NUP205: variants seen among roughly 807,000 people sequenced by gnomAD.
NUP205 encodes the protein nucleoporin 205.
A neutral mutation model predicts 253.8 loss-of-function variants in NUP205; 76 were observed. The observed-to-expected ratio is 0.30, with a 90% CI of 0.25 to 0.36. NUP205 has a LOEUF of 0.36. Among genes scored for constraint, NUP205 ranks in the 10% least tolerant of loss-of-function variants. NUP205 has a pLI of 1.00. For missense variants in NUP205, 2,162 were observed against 2,425.5 expected (o/e 0.89, Z 2.28); for synonymous variants, 832 against 850.1 (o/e 0.98, Z 0.37).
chr7:135,611,965 A>G (rs925135240), intron 22 of NUP205, among the ~76,000 whole-genome samples: 2 of 152,092 alleles, frequency 1.3e-5, no homozygotes, highest in African/African-American at 4.8e-5. Context: ...ATACAAAAAC[A>G]AAATATTAGC....
chr7:135,586,715 T>C (rs745630192), intron 8 of NUP205, among the ~76,000 whole-genome samples: 8 of 152,204 alleles, frequency 5.3e-5, no homozygotes, highest in Non-Finnish European at 1.0e-4. Flanking sequence ...AATTTCCAGG[T>C]AGTTCACAGA....
Position 135,601,384 on chromosome 7 carries a change from G to T in NUP205, c.2389G>T (p.Ala797Ser). Reference sequence around the variant, plus strand: ...GTTCTATTTAGGAGAAGAAATCATAGCCTATAAGCCACCTGGATTTAGTCT... The same window carrying T: ...GTTCTATTTAGGAGAAGAAATCATATCCTATAAGCCACCTGGATTTAGTCT... ...FVELQGEEII[A>S]YKPPGFSLMY... The change falls in exon 17 of 43, where the codon GCC (alanine) becomes TCC (serine). Residue 797 changes from alanine to serine, a missense_variant. Transcript: ENST00000285968. The T allele has an allele frequency of 6.2e-7, 1 of 1,612,906 alleles. No individual in the cohort carries two copies.
chr7:135,566,229 C>T (rs1286713821), intron 1 of NUP205, among the ~76,000 whole-genome samples: 5 of 152,070 alleles, frequency 3.3e-5, no homozygotes, highest in Non-Finnish European at 7.4e-5. Flanking sequence ...GTGCCTCAAC[C>T]CTCCTTGTAG....
At chr7:135,644,718 T>G (rs1236688930) in intron 39 of NUP205, among the ~76,000 whole-genome samples, 177 bp from the exon 40 acceptor site, 1 of 152,216 alleles carries the variant, frequency 6.6e-6, no homozygotes, top group Non-Finnish European at 1.5e-5. Flanking sequence ...TGAATTTGCT[T>G]CTTTGGCTGT....
chr7:135,616,624 T>C, intron 24 of NUP205, 31 bp from the exon 25 acceptor site: 3 of 1,327,138 alleles, frequency 2.3e-6, no homozygotes, highest in Non-Finnish European at 3.1e-6. Flanking sequence ...GTTCTTCTTT[T>C]TCTGATTCAA....
At chr7:135,581,399 C>A (rs1376649242) in intron 7 of NUP205, among the ~76,000 whole-genome samples, 1 of 151,798 alleles carries the variant, frequency 6.6e-6, no homozygotes, top group Non-Finnish European at 1.5e-5. Context: ...AAAAATTAGC[C>A]CAGTGTGGTG....
chr7:135,622,692 G>T, intron 30 of NUP205, 85 bp from the exon 31 acceptor site: 7 of 1,184,448 alleles, frequency 5.9e-6, no homozygotes, highest in Non-Finnish European at 7.1e-6. Flanking sequence ...TTCTTCCTTA[G>T]CTCATACCTA....
At chr7:135,638,813 G>C in intron 38 of NUP205, 130 bp downstream of exon 38, 1 of 945,756 alleles carries the variant, frequency 1.1e-6, no homozygotes, top group Admixed American at 2.1e-5. Flanking sequence ...TTTTAAATAA[G>C]TTTTAAAGTT....
intron 17 of NUP205, among the ~76,000 whole-genome samples, chr7:135,602,487 C>T (rs914856327): frequency 6.6e-6 from 1 of 152,132 alleles, no homozygotes; most frequent in Non-Finnish European, 1.5e-5. Context: ...TGGGGCTCAG[C>T]CACCCCATTC....
intron 17 of NUP205, 62 bp downstream of exon 17, chr7:135,601,569 T>G: frequency 6.5e-7 from 1 of 1,528,496 alleles, no homozygotes; most frequent in Non-Finnish European, 8.9e-7. Flanking sequence ...TTTTGTAAAC[T>G]GAGAATTTGA....
intron 18 of NUP205, among the ~76,000 whole-genome samples, chr7:135,604,070 C>A (rs931927230): frequency 2.6e-5 from 4 of 152,142 alleles, no homozygotes; most frequent in Admixed American, 2.6e-4. Flanking sequence ...TCCTTAATGA[C>A]CTCGTCTGAA....
chr7:135,578,662 G>T, intron 6 of NUP205, 89 bp from the exon 7 acceptor site: 3 of 932,010 alleles, frequency 3.2e-6, no homozygotes, highest in Non-Finnish European at 4.8e-6. Flanking sequence ...AGAATGCTCA[G>T]ATTTTCTGAC....
At chr7:135,613,950 A>G (rs772995924) in intron 22 of NUP205, 2 of 362,368 alleles carry the variant, frequency 5.5e-6, no homozygotes, top group Non-Finnish European at 1.0e-5. Context: ...CCAGCACTCC[A>G]TTGTATTTCA....
intron 36 of NUP205, among the ~76,000 whole-genome samples, chr7:135,636,571 G>C (rs1419471422): frequency 6.6e-6 from 1 of 152,076 alleles, no homozygotes; most frequent in African/African-American, 2.4e-5. Flanking sequence ...TCTTTCATAA[G>C]GTGAGCTTCG....
rs1411456181 is a variant in NUP205 at position 135,601,639 on chromosome 7, T to C, written c.2512+132T>C. 27 of 939,488 alleles carry C rather than the reference T, an allele frequency of 2.9e-5. No homozygotes were observed. The East Asian group carries it at 6.4e-4, about 22-fold the overall frequency. The allele number at this position is 939,488 out of a possible 1,614,324, so 58.2% of individuals were successfully genotyped here. On this transcript the variant is annotated intron_variant, in intron 17 of 42. Coordinates refer to ENST00000285968, the MANE Select transcript of NUP205 (RefSeq NM_015135.3). ...GATTCTCTCTCTGTATCTGAAGTGG[T>C]GTTTTCAGTGAATCATTTAAATGAG...
intron 10 of NUP205, among the ~76,000 whole-genome samples, chr7:135,590,390 A>T (rs1022964009): frequency 6.6e-6 from 1 of 152,170 alleles, no homozygotes. Flanking sequence ...CTGCGATTAC[A>T]GGCGTGAGCC....
At chr7:135,645,685 G>GAT in intron 41 of NUP205, 89 bp downstream of exon 41, 1 of 1,327,018 alleles carries the variant, frequency 7.5e-7, no homozygotes, top group East Asian at 2.3e-5. Context: ...TTTGTTTCCA[G>GAT]ATTACTTAGA....
In NUP205 at chr7:135,645,429, TGATGA is replaced by T. The variant is rs765363861; in HGVS notation, c.5684-35_5684-31del. The T allele has an allele frequency of 5.0e-6, 8 of 1,596,694 alleles. No individual in the cohort carries two copies. In the Admixed American group the frequency reaches 5.3e-5, roughly 11 times the overall value. On this transcript the variant is annotated intron_variant, in intron 40 of 42. Coordinates refer to ENST00000285968, the MANE Select transcript of NUP205 (RefSeq NM_015135.3). ...CCGAAACTGGTGTGTAAAACATATT[TGATGA>T]GATTATGTTCCTTTAATCTGAGCTC...
intron 12 of NUP205, among the ~76,000 whole-genome samples, chr7:135,594,266 C>T (rs1313210444): frequency 6.6e-6 from 1 of 151,882 alleles, no homozygotes; most frequent in Non-Finnish European, 1.5e-5. Flanking sequence ...TTTATCCAAC[C>T]CTTGCGGACC....
Sources: gnomAD v4.1 joint callset for allele counts (sites outside exome capture counted in the v4.1 genomes callset) on GRCh38, gnomAD v4.1.1 for gene constraint, MANE v1.5 for transcripts, NCBI Gene and HGNC (gene_info 2026-07-23, HGNC 2026-07-21) for gene names.